TRPC5: variants seen among roughly 807,000 people sequenced by gnomAD.
The protein encoded by TRPC5 is short transient receptor potential channel 5.
TRPC5 carries 9 observed loss-of-function variants against 56.5 expected under a neutral mutation model. That is an observed-to-expected ratio of 0.16 (90% CI 0.10 to 0.28). The LOEUF is 0.28. Among genes scored for constraint, TRPC5 ranks in the 10% least tolerant of loss-of-function variants. The pLI, the probability that TRPC5 is intolerant of heterozygous loss-of-function variation, is 1.00. For missense variants in TRPC5, 469 were observed against 748.9 expected (o/e 0.63, Z 4.36); for synonymous variants, 282 against 278.5 (o/e 1.01, Z -0.13).
chrX:111,961,625 T>C (rs944332380), intron 1 of TRPC5, among the ~76,000 whole-genome samples: 1 of 112,286 alleles, frequency 8.9e-6, no homozygotes, highest in Non-Finnish European at 1.9e-5. Context: ...CTTTCATTGA[T>C]CTATATTATT....
chrX:112,028,521 C>T, intron 1 of TRPC5, among the ~76,000 whole-genome samples: 1 of 111,585 alleles, frequency 9.0e-6, no homozygotes, highest in African/African-American at 3.3e-5. Context: ...TGAGAACATG[C>T]AGTGTTTTGT....
intron 1 of TRPC5, among the ~76,000 whole-genome samples, chrX:112,063,822 C>T (rs1930513645): frequency 8.9e-6 from 1 of 112,046 alleles, no homozygotes; most frequent in Non-Finnish European, 1.9e-5. Context: ...GACAGAGTCT[C>T]GCTCTGCCGC....
chrX:111,929,490 G>A (rs1042993596), intron 2 of TRPC5, among the ~76,000 whole-genome samples: 1 of 112,312 alleles, frequency 8.9e-6, no homozygotes, highest in Non-Finnish European at 1.9e-5. Context: ...TAATCCTGAC[G>A]ATTCCATGAT....
intron 3 of TRPC5, among the ~76,000 whole-genome samples, chrX:111,855,357 C>T (rs912817890): frequency 1.8e-5 from 2 of 111,472 alleles, no homozygotes; most frequent in African/African-American, 6.5e-5. Context: ...ATAGAAGTTT[C>T]CTATGTGTGC....
chrX:111,884,400 T>A (rs1192054072), intron 3 of TRPC5, among the ~76,000 whole-genome samples: 1 of 112,496 alleles, frequency 8.9e-6, no homozygotes, highest in African/African-American at 3.2e-5. Flanking sequence ...TTTAAAGGTA[T>A]ACCCAGGGCC....
At chrX:111,965,261 CAAG>C (rs1157725810) in intron 1 of TRPC5, among the ~76,000 whole-genome samples, 3 of 111,953 alleles carry the variant, frequency 2.7e-5, no homozygotes, top group South Asian at 3.8e-4. Context: ...ATCAATTCAA[CAAG>C]AAGAGCTAAC....
At chrX:112,070,920 T>TA (rs1332519908) in intron 1 of TRPC5, among the ~76,000 whole-genome samples, 1 of 112,028 alleles carries the variant, frequency 8.9e-6, no homozygotes, top group Non-Finnish European at 1.9e-5. Context: ...TATTAAGTTC[T>TA]AACTATGCAC....
intron 2 of TRPC5, among the ~76,000 whole-genome samples, chrX:111,927,587 G>A (rs1704424094): frequency 9.0e-6 from 1 of 111,026 alleles, no homozygotes; most frequent in African/African-American, 3.3e-5. Flanking sequence ...GGGCTGTGGA[G>A]GACTGAAGGG....
intron 4 of TRPC5, among the ~76,000 whole-genome samples, chrX:111,852,886 T>C (rs1453058735): frequency 8.9e-6 from 1 of 111,753 alleles, no homozygotes; most frequent in Non-Finnish European, 1.9e-5. Flanking sequence ...AATTACCAGA[T>C]GTTGGGGCTA....
rs1377030126 is a variant in TRPC5, at chrX:111,768,533, C to T, written c.*7780G>A. ...TGAATAGTACCTCTGGTGTGCATTC[C>T]TATTATAAGAAACAAACTAAAATGT... On this transcript the variant is annotated 3_prime_UTR_variant, in exon 11 of 11. Transcript: ENST00000262839. Among the ~76,000 whole-genome samples, 4 of 111,607 alleles carry T rather than the reference C, an allele frequency of 3.6e-5. No homozygotes were observed. In the Admixed American group the frequency reaches 3.8e-4, roughly 11 times the overall value.
intron 1 of TRPC5, among the ~76,000 whole-genome samples, chrX:112,006,530 C>T (rs974572313): frequency 9.0e-6 from 1 of 111,333 alleles, no homozygotes; most frequent in Admixed American, 9.6e-5. Context: ...CAAAGTCATA[C>T]AGCTAACAAG....
At chrX:111,867,431 A>C (rs1054378946) in intron 3 of TRPC5, among the ~76,000 whole-genome samples, 2 of 111,747 alleles carry the variant, frequency 1.8e-5, no homozygotes, top group African/African-American at 6.5e-5. Context: ...TGAATAATGA[A>C]ATCAGAAAAT....
intron 2 of TRPC5, among the ~76,000 whole-genome samples, chrX:111,915,351 A>G (rs994916658): frequency 8.9e-6 from 1 of 111,928 alleles, no homozygotes. Flanking sequence ...CCTTTTAAAA[A>G]GAAAACTGGT....
At chrX:111,843,873 AGTGTGTGTGTGTGTGTGTGTGTGTGT>A (rs547330564) in intron 6 of TRPC5, among the ~76,000 whole-genome samples, 1 of 72,592 alleles carries the variant, frequency 1.4e-5, no homozygotes, top group Non-Finnish European at 2.6e-5. Flanking sequence ...CAGTGGGATG[AGTGTGTGTGTGTGTGTGTGTGTGTGT>A]GTGTGTGTGT....
chrX:111,932,792 G>T (rs1047982526), intron 2 of TRPC5, among the ~76,000 whole-genome samples: 6 of 111,805 alleles, frequency 5.4e-5, no homozygotes, highest in African/African-American at 1.6e-4. Context: ...ATTTAGTACC[G>T]ACCTAGCCCA....
chrX:111,938,077 G>A (rs2148631461), intron 2 of TRPC5, among the ~76,000 whole-genome samples: 1 of 87,675 alleles, frequency 1.1e-5, no homozygotes, highest in South Asian at 6.1e-4. Flanking sequence ...TTGTAAGTTG[G>A]ATTCCTAGGT....
At chrX:111,835,405 T>G (rs1348996976) in intron 6 of TRPC5, among the ~76,000 whole-genome samples, 1 of 112,448 alleles carries the variant, frequency 8.9e-6, no homozygotes. Context: ...AAGAGCTATT[T>G]CCTCTACCAA....
rs760235669 is a variant in TRPC5 at position 111,790,710 on chromosome X, A to G, written c.1897-8572T>C. The stretch of plus-strand genomic sequence containing the variant: ...CACCTTCTAGGGACAGCCTGCAACA[A>G]ATGACTAGTCAATGTGGGACTGTTA... On this transcript the variant is annotated intron_variant, in intron 7 of 10. Transcript: ENST00000262839. Among the ~76,000 whole-genome samples the G allele has an allele frequency of 2.7e-5, 3 of 110,819 alleles. No individual in the cohort carries two copies. In the East Asian group the frequency reaches 8.6e-4, roughly 32 times the overall value.
chrX:112,046,254 C>T (rs7054642), intron 1 of TRPC5, among the ~76,000 whole-genome samples: 21,362 of 101,019 alleles, frequency 0.21, 2,726 homozygotes, highest in African/African-American at 0.46. Context: ...TTATAAAGAG[C>T]TTGTTCAAGG....
Sources: allele counts gnomAD v4.1 joint callset (sites outside exome capture counted in the v4.1 genomes callset), GRCh38; gene constraint gnomAD v4.1.1; transcripts MANE v1.5; gene names NCBI Gene and HGNC (gene_info 2026-07-23, HGNC 2026-07-21).